The following TAPT1 variants were observed in gnomAD, a reference collection of about 807,000 sequenced individuals.
TAPT1 encodes the protein transmembrane anterior posterior transformation 1, also known as transmembrane anterior posterior transformation protein 1 homolog.
TAPT1 carries 28 observed loss-of-function variants against 65.6 expected under a neutral mutation model. That is an observed-to-expected ratio of 0.43 (90% CI 0.32 to 0.59). TAPT1 has a LOEUF of 0.59. Ranked by LOEUF, TAPT1 falls within the 20% of genes least tolerant of loss-of-function variation. The pLI, the probability that TAPT1 is intolerant of heterozygous loss-of-function variation, is 0.09. For synonymous variants in TAPT1, 278 were observed against 245.2 expected (o/e 1.13, Z -1.25); for missense variants, 563 against 679.9 (o/e 0.83, Z 1.91).
chr4:16,210,655 C>A (rs934267703), intron 2 of TAPT1, among the ~76,000 whole-genome samples: 2 of 152,180 alleles, frequency 1.3e-5, no homozygotes, highest in Non-Finnish European at 2.9e-5. Context: ...TTAGACAGTT[C>A]GGCTTTAGAG....
intron 7 of TAPT1, 110 bp downstream of exon 7, chr4:16,186,425 G>A: frequency 6.1e-6 from 4 of 658,452 alleles, no homozygotes; most frequent in South Asian, 4.1e-5. Context: ...CATAAGAGAA[G>A]GTACAGTTTA....
At chr4:16,179,501 A>T in intron 8 of TAPT1, 76 bp downstream of exon 8, 1 of 907,426 alleles carries the variant, frequency 1.1e-6, no homozygotes, top group Non-Finnish European at 1.6e-6. Flanking sequence ...TGCAATATTC[A>T]TTTTATTCCA....
upstream of TAPT1, chr4:16,227,190 A>G (rs1038158167): frequency 1.3e-4 from 58 of 455,714 alleles, no homozygotes; most frequent in Middle Eastern, 4.0e-4. Context: ...GGGGACGCGC[A>G]GGGGAGGGGC....
intron 13 of TAPT1, among the ~76,000 whole-genome samples, chr4:16,165,976 C>T (rs1747583424): frequency 6.6e-6 from 1 of 152,204 alleles, no homozygotes; most frequent in Non-Finnish European, 1.5e-5. Flanking sequence ...CGCAACAGCC[C>T]CCTTCCACCT....
In TAPT1 at chr4:16,191,466, C is replaced by A. The variant is rs1196255522; in HGVS notation, c.507G>T (p.Leu169Phe). Residue 169 changes from leucine to phenylalanine, a missense_variant, in exon 4 of 14, where the codon TTG becomes TTT. Physicochemically the swap from Leu to Phe is conservative, Grantham distance 22. This residue lies in a region of TAPT1 where 217 missense variants were observed against 317.5 expected (regional missense o/e 0.68). Transcript: ENST00000405303. ...QVCDILKGVI[L>F]VICYFMMHYV... is the part of the protein sequence containing the mutation. ...AGTGCATCATAAAATAGCAGATTACCAAAATGACACCCTTCAAAATGTCAC... is the reference window on the plus strand; with the variant it reads ...AGTGCATCATAAAATAGCAGATTACAAAAATGACACCCTTCAAAATGTCAC... 6.4e-7 allele frequency: 1 copy of A among 1,571,430 alleles called. No individual in the cohort carries two copies. Among genetic ancestry groups the A allele is most frequent in the African/African-American group, 1.4e-5 (1 of 74,022 alleles).
chr4:16,221,505 T>C (rs1751253937), intron 1 of TAPT1, among the ~76,000 whole-genome samples: 1 of 152,184 alleles, frequency 6.6e-6, no homozygotes, highest in Non-Finnish European at 1.5e-5. Flanking sequence ...AGAAAAAGCA[T>C]AGTATAAATT....
chr4:16,189,132 A>G (rs895115849), intron 4 of TAPT1, among the ~76,000 whole-genome samples: 1 of 152,182 alleles, frequency 6.6e-6, no homozygotes, highest in Non-Finnish European at 1.5e-5. Context: ...TTCAGGTATC[A>G]ATCTCCTTGA....
chr4:16,204,074 T>C (rs1180972618), intron 2 of TAPT1, among the ~76,000 whole-genome samples: 3 of 152,208 alleles, frequency 2.0e-5, no homozygotes, highest in African/African-American at 7.2e-5. Flanking sequence ...GCAAGGTCCA[T>C]ATAGATAGAG....
At chr4:16,202,668 AT>A in intron 2 of TAPT1, 88 bp from the exon 3 acceptor site, 1 of 677,826 alleles carries the variant, frequency 1.5e-6, no homozygotes. Context: ...ATTTCTAAAC[AT>A]TATAAAAAAT....
At chr4:16,200,196 CAT>C (rs1043345692) in intron 3 of TAPT1, among the ~76,000 whole-genome samples, 77 of 152,298 alleles carry the variant, frequency 5.1e-4, no homozygotes, top group African/African-American at 1.8e-3. Context: ...AAGAACATGA[CAT>C]GTCTTTAAAA....
chr4:16,168,115 G>A (rs945920496), intron 12 of TAPT1, among the ~76,000 whole-genome samples: 10 of 122,496 alleles, frequency 8.2e-5, no homozygotes, highest in Non-Finnish European at 1.5e-4. Context: ...GAAGAAGTTG[G>A]TTTTCTTTTT....
At chr4:16,220,243 C>T (rs1313421818) in intron 1 of TAPT1, among the ~76,000 whole-genome samples, 1 of 152,182 alleles carries the variant, frequency 6.6e-6, no homozygotes, top group Non-Finnish European at 1.5e-5. Flanking sequence ...ATGGGTATCA[C>T]CAAGAACTCT....
At chr4:16,201,084 A>G (rs1193282732) in intron 3 of TAPT1, among the ~76,000 whole-genome samples, 2 of 152,360 alleles carry the variant, frequency 1.3e-5, no homozygotes, top group African/African-American at 4.8e-5. Flanking sequence ...CTGAATTTTT[A>G]TAATTGTTTT....
chr4:16,193,817 G>A (rs1422747737), intron 3 of TAPT1, among the ~76,000 whole-genome samples: 2 of 152,124 alleles, frequency 1.3e-5, no homozygotes, highest in African/African-American at 4.8e-5. Flanking sequence ...AACAGTCATG[G>A]GCTTTTGTGT....
intron 5 of TAPT1, 101 bp downstream of exon 5, chr4:16,188,119 C>T (rs919312703): frequency 1.0e-6 from 1 of 975,090 alleles, no homozygotes; most frequent in Non-Finnish European, 1.5e-6. Context: ...AGGATACATA[C>T]ATTATCTATA....
At chr4:16,167,651 C>T (rs961265776) in intron 12 of TAPT1, among the ~76,000 whole-genome samples, 4 of 152,160 alleles carry the variant, frequency 2.6e-5, no homozygotes, top group Non-Finnish European at 5.9e-5. Flanking sequence ...CCTGGGCAAG[C>T]TACTTAATCA....
intron 7 of TAPT1, among the ~76,000 whole-genome samples, chr4:16,184,989 T>G (rs1440927231): frequency 6.6e-6 from 1 of 152,206 alleles, no homozygotes; most frequent in African/African-American, 2.4e-5. Context: ...TTCTCTCTTT[T>G]GTTTTACATT....
intron 12 of TAPT1, 67 bp from the exon 13 acceptor site, chr4:16,166,860 C>T: frequency 2.0e-6 from 3 of 1,498,828 alleles, no homozygotes; most frequent in Admixed American, 1.7e-5. Flanking sequence ...ATGCCATCTA[C>T]TACCATGGCT....
intron 2 of TAPT1, among the ~76,000 whole-genome samples, chr4:16,206,138 A>C (rs1039609927): frequency 5.3e-5 from 8 of 152,216 alleles, no homozygotes; most frequent in African/African-American, 1.4e-4. Context: ...ATCCGAATTA[A>C]AAAATTCATG....
Sources: gnomAD v4.1 joint callset for allele counts (sites outside exome capture counted in the v4.1 genomes callset) on GRCh38, gnomAD v4.1.1 for gene constraint, gnomAD v4.1.1 regional missense constraint, MANE v1.5 for transcripts, NCBI Gene and HGNC (gene_info 2026-07-23, HGNC 2026-07-21) for gene names.